Variants in GPC5 observed in about 807,000 individuals in gnomAD.
GPC5 encodes the protein glypican 5.
A neutral mutation model predicts 53.9 loss-of-function variants in GPC5; 47 were observed. That is an observed-to-expected ratio of 0.87 (90% CI 0.69 to 1.11). The LOEUF (loss-of-function observed/expected upper bound fraction) is 1.11, where lower values mean the gene tolerates loss of function less well. Ranked by LOEUF, GPC5 falls within the 50% of genes most tolerant of loss-of-function variation. The pLI is 0.00. For synonymous variants in GPC5, 286 were observed against 263.3 expected, an observed-to-expected ratio of 1.09 and a Z score of -0.84; for missense variants, 748 against 713.1, an observed-to-expected ratio of 1.05 and a Z score of -0.56.
At chr13:92,183,045 C>T (rs2042159210) in intron 7 of GPC5, among the ~76,000 whole-genome samples, 1 of 152,036 alleles carries the variant, frequency 6.6e-6, no homozygotes, top group Admixed American at 6.6e-5. Flanking sequence ...CTAGTATGTA[C>T]TTTGTTTTTA....
chr13:91,841,765 AG>A (rs1242921462), intron 5 of GPC5, among the ~76,000 whole-genome samples: 1 of 152,218 alleles, frequency 6.6e-6, no homozygotes, highest in African/African-American at 2.4e-5. Flanking sequence ...AAGAAAAGAA[AG>A]CAAGTGGGCT....
At chr13:91,768,573 T>C (rs1006334057) in intron 5 of GPC5, among the ~76,000 whole-genome samples, 17 of 152,150 alleles carry the variant, frequency 1.1e-4, no homozygotes, top group Non-Finnish European at 5.9e-5. Flanking sequence ...CATGAAGAAA[T>C]GAAATATTCA....
At chr13:92,684,264 T>A (rs1173895789) in intron 7 of GPC5, among the ~76,000 whole-genome samples, 1 of 152,048 alleles carries the variant, frequency 6.6e-6, no homozygotes, top group Non-Finnish European at 1.5e-5. Flanking sequence ...CTTTTTTATT[T>A]TTTATTTTTT....
chr13:91,793,099 T>G (rs1335801794), intron 5 of GPC5, among the ~76,000 whole-genome samples: 1 of 152,154 alleles, frequency 6.6e-6, no homozygotes, highest in African/African-American at 2.4e-5. Flanking sequence ...ATTGGGTAAT[T>G]TTTAAAGGAA....
intron 2 of GPC5, among the ~76,000 whole-genome samples, chr13:91,616,263 A>G (rs1391747508): frequency 1.3e-5 from 2 of 152,136 alleles, no homozygotes; most frequent in Non-Finnish European, 2.9e-5. Flanking sequence ...TTTCATTTAA[A>G]GAAACAGATC....
At chr13:92,296,371 G>A (rs2043034458) in intron 7 of GPC5, among the ~76,000 whole-genome samples, 1 of 152,114 alleles carries the variant, frequency 6.6e-6, no homozygotes, top group African/African-American at 2.4e-5. Flanking sequence ...GGGCCACTGG[G>A]TGGGGGTAGA....
chr13:91,432,203 CTG>C (rs757953581), intron 1 of GPC5, among the ~76,000 whole-genome samples: 7,055 of 135,688 alleles, frequency 0.052, 183 homozygotes, highest in Non-Finnish European at 0.071. Context: ...GCTGCTGCTG[CTG>C]TGTGTGTGTG....
intron 2 of GPC5, among the ~76,000 whole-genome samples, chr13:91,460,845 G>C (rs753853200): frequency 2.0e-5 from 3 of 151,588 alleles, no homozygotes; most frequent in Non-Finnish European, 4.4e-5. Context: ...TTTGGTAAAA[G>C]GATAAGATAA....
At chr13:91,529,129 G>A in intron 2 of GPC5, among the ~76,000 whole-genome samples, 1 of 152,166 alleles carries the variant, frequency 6.6e-6, no homozygotes, top group East Asian at 1.9e-4. Context: ...ACTACTTTTG[G>A]CTTCTAGAAT....
chr13:92,103,827 C>T (rs969192317), intron 6 of GPC5, among the ~76,000 whole-genome samples: 23 of 152,126 alleles, frequency 1.5e-4, no homozygotes, highest in Non-Finnish European at 2.9e-4. Context: ...AGAGAGATTA[C>T]GATTCTCTTA....
chr13:91,399,054 C>A lies in GPC5; in HGVS notation c.8C>A (p.Ala3Glu), dbSNP rs747624601. The change falls in exon 1 of 8, where the codon GCA becomes GAA. Residue 3 changes from alanine to glutamate, a missense_variant. Physicochemically the swap from Ala to Glu is moderately radical, Grantham distance 107. Transcript: ENST00000377067. ...GGGACCAGGACGGCGAGGATGGACG[C>A]ACAGACCTGGCCCGTGGGCTTTCGC... MD[A>E]QTWPVGFRCL... is the part of the protein sequence containing the mutation. The A allele has an allele frequency of 2.9e-5, 45 of 1,555,518 alleles. No homozygotes were observed. The highest frequency in any genetic ancestry group is 3.7e-5 in the Non-Finnish European group (43 of 1,150,046).
intron 7 of GPC5, among the ~76,000 whole-genome samples, chr13:92,401,164 TGCCTA>T (rs1875540073): frequency 1.3e-5 from 2 of 151,354 alleles, no homozygotes; most frequent in South Asian, 4.2e-4. Context: ...AATTCTTCTT[TGCCTA>T]GCCATCTATT....
At chr13:91,669,700 A>G (rs956301734) in intron 2 of GPC5, among the ~76,000 whole-genome samples, 3 of 152,180 alleles carry the variant, frequency 2.0e-5, no homozygotes, top group African/African-American at 7.2e-5. Flanking sequence ...GAGGTTATTC[A>G]CTATGTCTAT....
intron 2 of GPC5, among the ~76,000 whole-genome samples, chr13:91,581,940 G>A (rs981824617): frequency 3.3e-5 from 5 of 152,112 alleles, no homozygotes. Context: ...GAGCCAGCCT[G>A]CTAACAAATA....
At chr13:92,572,177 A>G (rs1226812471) in intron 7 of GPC5, among the ~76,000 whole-genome samples, 1 of 152,246 alleles carries the variant, frequency 6.6e-6, no homozygotes. Context: ...ATTTGAAAAT[A>G]CATTTGTTTT....
At chr13:91,570,734 A>T (rs1239611565) in intron 2 of GPC5, among the ~76,000 whole-genome samples, 1 of 152,194 alleles carries the variant, frequency 6.6e-6, no homozygotes, top group African/African-American at 2.4e-5. Context: ...ATGTTTTAAA[A>T]ATTAGAGCCA....
chr13:92,153,829 T>A (rs538984157), intron 7 of GPC5, among the ~76,000 whole-genome samples: 1 of 152,354 alleles, frequency 6.6e-6, no homozygotes, highest in South Asian at 2.1e-4. Context: ...AAACAAGTAA[T>A]TAACTTCTAT....
intron 7 of GPC5, among the ~76,000 whole-genome samples, chr13:92,846,543 A>C (rs1274961422): frequency 6.6e-6 from 1 of 152,210 alleles, no homozygotes; most frequent in Non-Finnish European, 1.5e-5. Flanking sequence ...GTATTTATGC[A>C]CTACAGAATA....
At chr13:91,470,170 A>G (rs1205553952) in intron 2 of GPC5, among the ~76,000 whole-genome samples, 2 of 152,146 alleles carry the variant, frequency 1.3e-5, no homozygotes, top group African/African-American at 2.4e-5. Flanking sequence ...TAGCTTGGTT[A>G]TGTCATGTCT....
Sources: allele counts gnomAD v4.1 joint callset (sites outside exome capture counted in the v4.1 genomes callset), GRCh38; gene constraint gnomAD v4.1.1; transcripts MANE v1.5; gene names NCBI Gene and HGNC (gene_info 2026-07-23, HGNC 2026-07-21).